The following AGBL1 variants were observed in gnomAD, a reference collection of about 807,000 sequenced individuals.
AGBL1 encodes AGBL carboxypeptidase 1, also known as cytosolic carboxypeptidase 4.
Under a neutral mutation model 118.9 loss-of-function variants are expected in AGBL1, and 130 were observed. That is an observed-to-expected ratio of 1.09 (90% CI 0.95 to 1.26). AGBL1 has a LOEUF of 1.26. Ranked by LOEUF, AGBL1 falls within the 50% of genes most tolerant of loss-of-function variation. The pLI is 0.00. For synonymous variants in AGBL1, 555 were observed against 478.9 expected (o/e 1.16, Z -2.08); for missense variants, 1,584 against 1,298.1 (o/e 1.22, Z -3.38).
chr15:86,821,243 G>C (rs1264642839), intron 22 of AGBL1, among the ~76,000 whole-genome samples: 1 of 152,092 alleles, frequency 6.6e-6, no homozygotes, highest in Non-Finnish European at 1.5e-5. Flanking sequence ...GGGTTGATGA[G>C]TGCAGCAAAC....
chr15:86,171,955 T>C (rs574647681), intron 5 of AGBL1, among the ~76,000 whole-genome samples: 2 of 152,190 alleles, frequency 1.3e-5, no homozygotes, highest in African/African-American at 4.8e-5. Context: ...AAACCAAACA[T>C]CTTATGTTCT....
intron 5 of AGBL1, among the ~76,000 whole-genome samples, chr15:86,178,078 C>G (rs1358718492): frequency 6.6e-6 from 1 of 152,168 alleles, no homozygotes; most frequent in African/African-American, 2.4e-5. Flanking sequence ...CTTTGGGAGG[C>G]CAAGGTGGGC....
intron 22 of AGBL1, among the ~76,000 whole-genome samples, chr15:86,767,766 G>C (rs1205081147): frequency 6.6e-6 from 1 of 151,882 alleles, no homozygotes; most frequent in African/African-American, 2.4e-5. Context: ...ATTTTCTGAT[G>C]CGATGACCAG....
chr15:86,970,914 C>T (rs896266299), intron 23 of AGBL1, among the ~76,000 whole-genome samples: 3 of 151,988 alleles, frequency 2.0e-5, no homozygotes, highest in African/African-American at 7.2e-5. Flanking sequence ...AAGATCAATA[C>T]ATTTAACCAC....
Position 86,390,660 on chromosome 15 carries a change from A to ATTTTTTTTTTT in AGBL1, c.2375-6690_2375-6680dup, listed in dbSNP as rs756052402. 2.1e-3 allele frequency among the ~76,000 whole-genome samples: 162 copies of ATTTTTTTTTTT among 75,462 alleles called. 18 individuals are homozygous for ATTTTTTTTTTT. The highest frequency in any genetic ancestry group is 0.021 in the East Asian group (35 of 1,632). The allele number at this position is 75,462 out of a possible 152,430, so 49.5% of individuals were successfully genotyped here. ...AGGCAGAAAAGTTATATACTGTATGATTTTTTTTTTTTTTTTTTTTTTTTT... is the reference window on the plus strand; with the variant it reads ...AGGCAGAAAAGTTATATACTGTATGATTTTTTTTTTTTTTTTTTTTTTTTTTTTTTTTTTTT... On this transcript the variant is annotated intron_variant, in intron 17 of 22. Transcript: ENST00000614907.
chr15:86,702,358 A>G (rs1304907430), intron 22 of AGBL1, among the ~76,000 whole-genome samples: 2 of 152,162 alleles, frequency 1.3e-5, no homozygotes, highest in African/African-American at 2.4e-5. Flanking sequence ...CAGGACAGAG[A>G]TGGCCTTATT....
intron 22 of AGBL1, among the ~76,000 whole-genome samples, chr15:86,748,473 C>G (rs550319349): frequency 1.0e-5 from 1 of 99,058 alleles, no homozygotes; most frequent in South Asian, 3.3e-4. Context: ...TGTGCAGAAG[C>G]TCTTTAGTTG....
chr15:86,377,052 A>G (rs970115571), intron 17 of AGBL1, among the ~76,000 whole-genome samples: 2 of 152,214 alleles, frequency 1.3e-5, no homozygotes. Flanking sequence ...CCAGGTCTTT[A>G]TAAGTCAGGA....
At chr15:86,577,263 C>T (rs777963482) in intron 21 of AGBL1, among the ~76,000 whole-genome samples, 12 of 152,018 alleles carry the variant, frequency 7.9e-5, no homozygotes, top group Non-Finnish European at 1.3e-4. Context: ...TATGTTTTAG[C>T]GAAGAGACTG....
intron 22 of AGBL1, among the ~76,000 whole-genome samples, chr15:86,710,506 A>G (rs191929321): frequency 6.6e-6 from 1 of 152,324 alleles, no homozygotes; most frequent in Non-Finnish European, 1.5e-5. Flanking sequence ...GAAAAGTGCA[A>G]TTTAATTGGT....
At chr15:86,634,853 C>T (rs989246471) in intron 21 of AGBL1, among the ~76,000 whole-genome samples, 13 of 151,982 alleles carry the variant, frequency 8.6e-5, no homozygotes, top group Admixed American at 2.6e-4. Flanking sequence ...ATTATGTTGC[C>T]GCATTTGTTT....
At chr15:86,583,801 C>T (rs1220173718) in intron 21 of AGBL1, among the ~76,000 whole-genome samples, 1 of 152,106 alleles carries the variant, frequency 6.6e-6, no homozygotes, top group East Asian at 1.9e-4. Context: ...ATTTACATTC[C>T]CACCAACAGT....
At chr15:86,238,407 TA>T (rs773521145) in intron 6 of AGBL1, among the ~76,000 whole-genome samples, 5 of 152,336 alleles carry the variant, frequency 3.3e-5, no homozygotes, top group Non-Finnish European at 5.9e-5. Flanking sequence ...GGTTTTAGTT[TA>T]TAATTTACTC....
At chr15:86,806,790 T>C (rs2078719577) in intron 22 of AGBL1, among the ~76,000 whole-genome samples, 1 of 150,996 alleles carries the variant, frequency 6.6e-6, no homozygotes, top group South Asian at 2.1e-4. Flanking sequence ...GCATATAATA[T>C]ATAATGATGC....
intron 22 of AGBL1, among the ~76,000 whole-genome samples, chr15:86,678,487 C>CT (rs34380057): frequency 6.6e-6 from 1 of 151,904 alleles, no homozygotes; most frequent in Non-Finnish European, 1.5e-5. Flanking sequence ...TTAACCATCC[C>CT]TTTTTTTAAA....
At position 86,272,858 on chromosome 15, in the gene AGBL1, A is replaced by G. The variant is rs187905008; in HGVS notation, c.2075+1152A>G. Among the ~76,000 whole-genome samples the G allele has an allele frequency of 6.4e-3, 972 of 152,278 alleles. 14 individuals are homozygous for G. The highest frequency in any genetic ancestry group is 0.022 in the African/African-American group (933 of 41,564). On this transcript the variant is annotated intron_variant, in intron 15 of 22. Coordinates refer to ENST00000614907, the MANE Select transcript of AGBL1 (RefSeq NM_001386094.1). ...AATATTATGACTTTGTTGGTTTTCC[A>G]TTCACCTAAATGGCAACTACTCTCT...
intron 1 of AGBL1, among the ~76,000 whole-genome samples, chr15:86,090,587 A>AT (rs1179353656): frequency 6.6e-6 from 1 of 152,144 alleles, no homozygotes; most frequent in Non-Finnish European, 1.5e-5. Flanking sequence ...TAGTTATATC[A>AT]TTTTTTAGTT....
At chr15:86,561,635 G>A (rs1283457389) in intron 21 of AGBL1, among the ~76,000 whole-genome samples, 4 of 152,126 alleles carry the variant, frequency 2.6e-5, no homozygotes, top group South Asian at 2.1e-4. Flanking sequence ...TTGGCAATGC[G>A]GGCTCTTTTT....
At chr15:86,587,740 C>G (rs1395134164) in intron 21 of AGBL1, among the ~76,000 whole-genome samples, 1 of 152,102 alleles carries the variant, frequency 6.6e-6, no homozygotes, top group Non-Finnish European at 1.5e-5. Flanking sequence ...GTCAGAGTAC[C>G]CACATGCAAC....
Sources: allele counts gnomAD v4.1 joint callset (sites outside exome capture counted in the v4.1 genomes callset), GRCh38; gene constraint gnomAD v4.1.1; transcripts MANE v1.5; gene names NCBI Gene and HGNC (gene_info 2026-07-23, HGNC 2026-07-21).